CHTF18: variants seen among roughly 807,000 people sequenced by gnomAD.
CHTF18 encodes the protein chromosome transmission fidelity factor 18.
Under a neutral mutation model 113.4 loss-of-function variants are expected in CHTF18, and 151 were observed. The observed-to-expected ratio is 1.33, with a 90% CI of 1.17 to 1.52. CHTF18 has a LOEUF of 1.52. Ranked by LOEUF, CHTF18 falls within the 40% of genes most tolerant of loss-of-function variation. The pLI is 0.00. For missense variants in CHTF18, 1,982 were observed against 1,381.6 expected (o/e 1.43, Z -6.89); for synonymous variants, 916 against 598.8 (o/e 1.53, Z -7.74).
chr16:797,108 C>T lies in CHTF18; in HGVS notation c.2733+16C>T. 2 of 1,498,694 alleles carry T rather than the reference C, an allele frequency of 1.3e-6. No individual in the cohort carries two copies. The highest frequency in any genetic ancestry group is 1.8e-6 in the Non-Finnish European group (2 of 1,129,560). The allele number at this position is 1,498,694 out of a possible 1,614,324, so 92.8% of individuals were successfully genotyped here. On this transcript the variant is annotated intron_variant, in intron 20 of 21. Coordinates refer to ENST00000262315, the MANE Select transcript of CHTF18 (RefSeq NM_022092.3). ...GGAGGAACAGGTGTGGAATGGGCAG[C>T]TGTGGGGGTGGGACCAGGGTACATA...
In CHTF18 at chr16:795,992, A is replaced by C; in HGVS notation, c.2371A>C (p.Ser791Arg). The C allele has an allele frequency of 1.2e-6, 2 of 1,608,928 alleles. No homozygotes were observed. The highest frequency in any genetic ancestry group is 1.7e-6 in the Non-Finnish European group (2 of 1,178,262). ...YSTREKQQLA[S>R]LVGTMLAYSL... ...CACCCGTGAAAAGCAACAGCTGGCC[A>C]GCCTGGTGGGCACGATGCTCGCTTA... Residue 791 changes from serine (S) to arginine (R), a missense_variant, in exon 18 of 22, where the codon AGC (serine) becomes CGC (arginine). Transcript: ENST00000262315.
intron 13 of CHTF18, 26 bp downstream of exon 13, chr16:793,090 G>A (rs1381043140): frequency 6.4e-7 from 1 of 1,565,760 alleles, no homozygotes; most frequent in Non-Finnish European, 8.6e-7. Flanking sequence ...GCACCGGGTG[G>A]GGTGGGGTGG....
chr16:797,823 C>A lies in CHTF18; in HGVS notation c.2792-16C>A. The stretch of plus-strand genomic sequence containing the variant: ...GGGGGGCCTTACAGCTGAGGAGCAA[C>A]CCTGTGGCCCCGCAGGGGACACGGC... On this transcript the variant is annotated splice_polypyrimidine_tract_variant and intron_variant, in intron 21 of 21. Transcript: ENST00000262315. 5 of 1,595,988 alleles carry A rather than the reference C, an allele frequency of 3.1e-6. No homozygotes were observed. Among genetic ancestry groups the A allele is most frequent in the Non-Finnish European group, 4.3e-6 (5 of 1,172,100 alleles).
Position 790,162 on chromosome 16 carries a change from C to A in CHTF18, c.607-15C>A. 1.3e-6 allele frequency: 2 copies of A among 1,581,636 alleles called. No homozygotes were observed. The highest frequency in any genetic ancestry group is 4.7e-5 in the East Asian group (2 of 42,904). ...TAGGAGGGGCCCAGAGGCAATTGTC[C>A]TCCCTTCCCCACAGGGCTCTCTCCT... On this transcript the variant is annotated splice_polypyrimidine_tract_variant and intron_variant, in intron 4 of 21. Coordinates refer to ENST00000262315, the MANE Select transcript of CHTF18 (RefSeq NM_022092.3).
chr16:789,395 T>C lies in CHTF18; in HGVS notation c.437+35T>C, dbSNP rs747667234. On this transcript the variant is annotated intron_variant, in intron 3 of 21. Coordinates refer to ENST00000262315, the MANE Select transcript of CHTF18 (RefSeq NM_022092.3). Reference sequence around the variant, plus strand: ...TTGGACATGGGCGTCCCATCCCATCTGTCCAGTGGGACTCAGATGGAGCCC... The same window carrying C: ...TTGGACATGGGCGTCCCATCCCATCCGTCCAGTGGGACTCAGATGGAGCCC... The C allele has an allele frequency of 6.1e-5, 95 of 1,547,214 alleles. No homozygotes were observed. The East Asian group carries it at 1.6e-3, about 27-fold the overall frequency.
rs373270981 is a variant in CHTF18, at chr16:789,292, C to G, written c.369C>G (p.Pro123=). Residue 123 remains proline, a synonymous_variant, in exon 3 of 22, where the codon CCC becomes CCG. Coordinates refer to ENST00000262315, the MANE Select transcript of CHTF18 (RefSeq NM_022092.3). ...AGGAGATGGAGGAGCCGCCCCCTCCCGACTCCTCGCCGACGGACATCACCC... is the reference window on the plus strand; with the variant it reads ...AGGAGATGGAGGAGCCGCCCCCTCCGGACTCCTCGCCGACGGACATCACCC... The part of the protein sequence containing the change: ...RSEEMEEPPP[P]DSSPTDITPP... The G allele has an allele frequency of 2.4e-5, 38 of 1,589,810 alleles. 1 individual carries two copies. In the Middle Eastern group the frequency reaches 2.2e-3, roughly 92 times the overall value.
chr16:794,648 C>T (rs993680658), intron 15 of CHTF18: 1 of 228,892 alleles, frequency 4.4e-6, no homozygotes, highest in Non-Finnish European at 8.7e-6. Context: ...GGATTAGCAG[C>T]TGGGGATCCA....
chr16:796,940 C>A, intron 19 of CHTF18, 21 bp from the exon 20 acceptor site: 1 of 1,529,832 alleles, frequency 6.5e-7, no homozygotes, highest in South Asian at 1.3e-5. Flanking sequence ...GGCCAGATCT[C>A]ACAATGCCTG....
Position 795,152 on chromosome 16 carries a change from G to C in CHTF18, c.1971G>C (p.Leu657=), listed in dbSNP as rs768643797. Residue 657 remains leucine, a synonymous_variant, in exon 16 of 22, where the codon CTG becomes CTC. Coordinates refer to ENST00000262315, the MANE Select transcript of CHTF18 (RefSeq NM_022092.3). ...KVVQGLFDNF[L]RLRLRDSSLG... ...TGCAGGGCTTGTTTGACAACTTCCTGCGTCTGCGGCTGCGAGACTCCAGCC... is the reference window on the plus strand; with the variant it reads ...TGCAGGGCTTGTTTGACAACTTCCTCCGTCTGCGGCTGCGAGACTCCAGCC... The C allele has an allele frequency of 1.4e-4, 222 of 1,551,652 alleles. No individual in the cohort carries two copies. The highest frequency in any genetic ancestry group is 7.7e-5 in the Admixed American group (4 of 51,736).
rs1490852454 is a variant in CHTF18 at position 792,213 on chromosome 16, C to T, written c.1203-11C>T. The stretch of plus-strand genomic sequence containing the variant: ...CCACTGCCCTGACGACCCCTGACCT[C>T]CCCATTGCAGTGACGACCGTAGCCC... On this transcript the variant is annotated splice_polypyrimidine_tract_variant and intron_variant, in intron 9 of 21. Transcript: ENST00000262315. 1 of 1,570,064 alleles carries T rather than the reference C, an allele frequency of 6.4e-7. No individual in the cohort carries two copies. Among genetic ancestry groups the T allele is most frequent in the South Asian group, 1.2e-5 (1 of 85,206 alleles).
chr16:797,885 A>G lies in CHTF18; in HGVS notation c.2838A>G (p.Thr946=). ...ACTCAGTGGAGCGGCGCATGGGCAC[A>G]GCGGTGGGCAGGAGCGAGGTCTGGT... ...EQDSVERRMG[T]AVGRSEVWFR... is the part of the protein sequence containing the mutation. Residue 946 remains threonine, a synonymous_variant, in exon 22 of 22, where the codon ACA becomes ACG. Transcript: ENST00000262315. 3 of 1,610,748 alleles carry G rather than the reference A, an allele frequency of 1.9e-6. No homozygotes were observed. The highest frequency in any genetic ancestry group is 2.5e-6 in the Non-Finnish European group (3 of 1,179,106).
chr16:789,448 G>A (rs2042105509), intron 3 of CHTF18, 88 bp downstream of exon 3: 2 of 1,534,474 alleles, frequency 1.3e-6, no homozygotes, highest in East Asian at 2.3e-5. Context: ...AGGCCTGGGG[G>A]GTGGGGAGGG....
intron 14 of CHTF18, chr16:793,769 C>G: frequency 1.5e-6 from 1 of 672,030 alleles, no homozygotes. Context: ...ATGTGCTGCT[C>G]CTGGCCTGGA....
Position 791,974 on chromosome 16 carries a change from G to T in CHTF18, c.1202+26G>T, listed in dbSNP as rs374163716. 1.9e-5 allele frequency: 30 copies of T among 1,589,210 alleles called. No individual in the cohort carries two copies. In the Middle Eastern group the frequency reaches 6.6e-4, roughly 35 times the overall value. On this transcript the variant is annotated intron_variant, in intron 9 of 21. Transcript: ENST00000262315. ...GTGAGTGATGTGAGGTCCGTCTCTG[G>T]CTCGCCTTCTGTCCTGACGTGTTTG...
In CHTF18 at chr16:788,722, A is replaced by G; in HGVS notation, c.38A>G (p.Asp13Gly). 5 of 1,602,838 alleles carry G rather than the reference A, an allele frequency of 3.1e-6. No individual in the cohort carries two copies. The East Asian group carries it at 6.8e-5, about 22-fold the overall frequency. Residue 13 changes from aspartate (D) to glycine (G), a missense_variant, in exon 1 of 22, where the codon GAT (aspartate) becomes GGT (glycine). Asp to Gly is a moderately conservative substitution (Grantham distance 94, BLOSUM62 -1). Transcript: ENST00000262315. ...DYEQELCGVE[D>G]DFHNQFAAEL... ...GAGCAGGAGCTGTGCGGCGTCGAGG[A>G]TGATTTCCACAACCAGTTCGCGGCC...
intron 9 of CHTF18, 77 bp from the exon 10 acceptor site, chr16:792,147 G>A (rs1361709756): frequency 6.6e-7 from 1 of 1,525,676 alleles, no homozygotes; most frequent in East Asian, 2.5e-5. Flanking sequence ...CCACGCAAAT[G>A]CGGCAGCCCC....
Position 793,027 on chromosome 16 carries a change from CTGACAA to C in CHTF18, c.1640_1645del (p.Asn547_Asp548del). On this transcript the variant is annotated inframe_deletion, in exon 13 of 22. Transcript: ENST00000262315. ...GTGCTGGCCGCCCTCTGTGAGAAAA[CTGACAA>C]TGACATCCGGGCCTGCATCAACACC... 2 of 1,560,342 alleles carry C rather than the reference CTGACAA, an allele frequency of 1.3e-6. No homozygotes were observed. The highest frequency in any genetic ancestry group is 3.4e-4 in the Middle Eastern group (2 of 5,936).
At chr16:789,988 C>T (rs1431749287) in intron 4 of CHTF18, 189 bp from the exon 5 acceptor site, 6 of 1,535,188 alleles carry the variant, frequency 3.9e-6, no homozygotes, top group Admixed American at 2.0e-5. Context: ...CTAAAGCTGC[C>T]CCCAATTTCC....
At chr16:797,613 A>G (rs2042390139) in intron 20 of CHTF18, 81 bp from the exon 21 acceptor site, 1 of 1,481,444 alleles carries the variant, frequency 6.8e-7, no homozygotes, top group South Asian at 1.2e-5. Flanking sequence ...CTCCCTGGGA[A>G]GGCTCTCGGT....
Sources: allele counts gnomAD v4.1 joint callset, GRCh38; gene constraint gnomAD v4.1.1; transcripts MANE v1.5; gene names NCBI Gene and HGNC (gene_info 2026-07-23, HGNC 2026-07-21).